Variants in IGFL2 observed in about 807,000 individuals in gnomAD.
The protein encoded by IGFL2 is insulin growth factor-like family member 2.
IGFL2 carries 7 observed loss-of-function variants against 13.9 expected under a neutral mutation model. The ratio of observed to expected loss-of-function variants is 0.51; its 90% CI spans 0.29 to 0.95. The LOEUF (loss-of-function observed/expected upper bound fraction) is 0.95. IGFL2 is among the 40% of genes least tolerant of loss of function. IGFL2 has a pLI of 0.08. For synonymous variants in IGFL2, 55 were observed against 55.8 expected (o/e 0.99, Z 0.07); for missense variants, 138 against 147.8 (o/e 0.93, Z 0.34).
chr19:46,212,263 A>G, the IGFL2 span: 1 of 152,248 alleles, frequency 6.6e-6, no homozygotes, highest in African/African-American at 2.4e-5. Context: ...GGTATTTATC[A>G]TGAGATCATT....
chr19:46,134,671 T>C, the IGFL2 span, among the ~76,000 whole-genome samples: 1 of 152,198 alleles, frequency 6.6e-6, no homozygotes, highest in Non-Finnish European at 1.5e-5. Flanking sequence ...TTCATGCTCT[T>C]ATGAGAATCT....
At chr19:46,137,065 T>C in the IGFL2 span, 1 of 1,600,030 alleles carries the variant, frequency 6.2e-7, no homozygotes, top group Non-Finnish European at 8.6e-7. Context: ...GAGCCAAAAC[T>C]GATCCTGGGG....
At chr19:46,119,232 A>G in the IGFL2 span, among the ~76,000 whole-genome samples, 1 of 152,164 alleles carries the variant, frequency 6.6e-6, no homozygotes, top group Non-Finnish European at 1.5e-5. Flanking sequence ...GACAGTGACC[A>G]CTGCAGTACT....
the IGFL2 span, among the ~76,000 whole-genome samples, chr19:46,109,184 G>C: frequency 6.6e-6 from 1 of 152,204 alleles, no homozygotes; most frequent in Non-Finnish European, 1.5e-5. Flanking sequence ...CAAAAAGAGA[G>C]TCAGCAAAGG....
the IGFL2 span, among the ~76,000 whole-genome samples, chr19:46,170,692 G>C: frequency 6.6e-6 from 1 of 152,124 alleles, no homozygotes; most frequent in Admixed American, 6.5e-5. Flanking sequence ...TCCCAGGGGG[G>C]CCTCTAAAAT....
intron 1 of IGFL2, chr19:46,160,007 A>G (rs1600943546): frequency 9.0e-6 from 2 of 222,618 alleles, no homozygotes; most frequent in Non-Finnish European, 1.8e-5. Context: ...GACCTACTCA[A>G]GCCCAATCCT....
chr19:46,114,855 G>A, the IGFL2 span, among the ~76,000 whole-genome samples: 1,276 of 152,244 alleles, frequency 8.4e-3, 14 homozygotes, highest in African/African-American at 0.028. Context: ...GACTAATACA[G>A]GTGCTTTTTG....
chr19:46,175,165 T>C, the IGFL2 span, among the ~76,000 whole-genome samples: 7 of 152,338 alleles, frequency 4.6e-5, 1 homozygote, highest in South Asian at 6.2e-4. Context: ...CTAACACTTA[T>C]CGAGCACATA....
the IGFL2 span, among the ~76,000 whole-genome samples, chr19:46,122,347 A>T: frequency 6.6e-6 from 1 of 151,184 alleles, no homozygotes; most frequent in Non-Finnish European, 1.5e-5. Flanking sequence ...ACTAAATATT[A>T]TAATTTTCTC....
chr19:46,118,187 G>T, the IGFL2 span, among the ~76,000 whole-genome samples: 14 of 152,166 alleles, frequency 9.2e-5, no homozygotes, highest in Non-Finnish European at 1.8e-4. Context: ...TCTAGAGGCA[G>T]CCTTTCAAAC....
the IGFL2 span, among the ~76,000 whole-genome samples, chr19:46,114,843 T>C: frequency 2.0e-5 from 3 of 152,194 alleles, no homozygotes; most frequent in South Asian, 2.1e-4. Context: ...AGTGTGAAAA[T>C]TGACTAATAC....
chr19:46,137,066 G>GA, the IGFL2 span: 2 of 1,599,666 alleles, frequency 1.3e-6, no homozygotes, highest in Non-Finnish European at 1.7e-6. Context: ...AGCCAAAACT[G>GA]ATCCTGGGGA....
the IGFL2 span, among the ~76,000 whole-genome samples, chr19:46,203,882 A>T: frequency 2.2e-4 from 33 of 152,062 alleles, no homozygotes; most frequent in African/African-American, 6.8e-4. Flanking sequence ...ACACCCAGCT[A>T]ATTTTTGTAT....
chr19:46,099,940 C>T, the IGFL2 span, among the ~76,000 whole-genome samples: 3 of 152,092 alleles, frequency 2.0e-5, no homozygotes, highest in Non-Finnish European at 2.9e-5. Flanking sequence ...GTTCGCATCA[C>T]GAAGTTCTTG....
chr19:46,082,287 C>A, the IGFL2 span, among the ~76,000 whole-genome samples: 1 of 152,136 alleles, frequency 6.6e-6, no homozygotes, highest in African/African-American at 2.4e-5. Flanking sequence ...TCCTGGGTTC[C>A]TAGGTGGGAG....
At chr19:46,186,757 C>G in the IGFL2 span, among the ~76,000 whole-genome samples, 3 of 152,228 alleles carry the variant, frequency 2.0e-5, no homozygotes, top group Admixed American at 6.5e-5. Context: ...TTAGGCGTCT[C>G]TTTTCTACCC....
the IGFL2 span, among the ~76,000 whole-genome samples, chr19:46,099,147 G>A: frequency 5.3e-5 from 8 of 152,282 alleles, no homozygotes; most frequent in Admixed American, 3.3e-4. Flanking sequence ...ATGAATATTG[G>A]CCTCCACTCT....
chr19:46,151,064 TC>T (rs903817535), intron 1 of IGFL2, among the ~76,000 whole-genome samples: 18 of 152,216 alleles, frequency 1.2e-4, no homozygotes, highest in African/African-American at 3.9e-4. Flanking sequence ...TTTGCTTATC[TC>T]CCTGTTGCCC....
Position 46,160,673 on chromosome 19 carries a change from T to C in IGFL2, c.133T>C (p.Tyr45His). The change falls in exon 3 of 4, where the codon TAC becomes CAC. Residue 45 changes from tyrosine to histidine, a missense_variant. Coordinates refer to ENST00000377693, the MANE Select transcript of IGFL2 (RefSeq NM_001135113.2). ...QPAPRCGDKI[Y>H]NPLEQCCYND... is the part of the protein sequence containing the mutation. ...GGCACCCAGGTGTGGAGACAAGATC[T>C]ACAACCCCTTGGAGCAGTGCTGTTA... 6.2e-7 allele frequency: 1 copy of C among 1,614,192 alleles called. No homozygotes were observed. The highest frequency in any genetic ancestry group is 8.5e-7 in the Non-Finnish European group (1 of 1,180,024).
Sources: allele counts gnomAD v4.1 joint callset (sites outside exome capture counted in the v4.1 genomes callset), GRCh38; gene constraint gnomAD v4.1.1; transcripts MANE v1.5; gene names NCBI Gene and HGNC (gene_info 2026-07-23, HGNC 2026-07-21).